Variants in ESR1 observed in about 807,000 individuals in gnomAD.
The protein encoded by ESR1 is estrogen receptor 1, also known as estrogen receptor.
ESR1 carries 12 observed loss-of-function variants against 52.7 expected under a neutral mutation model. The ratio of observed to expected loss-of-function variants is 0.23; its 90% confidence interval spans 0.15 to 0.37. The LOEUF (loss-of-function observed/expected upper bound fraction) is 0.37, where lower values mean the gene tolerates loss of function less well. Ranked by LOEUF, ESR1 falls within the 10% of genes least tolerant of loss-of-function variation. The pLI is 1.00. For missense variants in ESR1, 584 were observed against 779.7 expected (o/e 0.75, Z 2.99); for synonymous variants, 305 against 316.8 (o/e 0.96, Z 0.39).
chr6:152,119,387 CA>C (rs11345553), intron 6 of ESR1, among the ~76,000 whole-genome samples: 78,814 of 151,958 alleles, frequency 0.52, 20,677 homozygotes, highest in East Asian at 0.56. Flanking sequence ...CATCATTTCC[CA>C]AAAAATCCTT....
At chr6:151,858,652 T>C (rs1788326721) in intron 2 of ESR1, among the ~76,000 whole-genome samples, 2 of 152,010 alleles carry the variant, frequency 1.3e-5, no homozygotes, top group Admixed American at 6.6e-5. Flanking sequence ...CATTTTTTTT[T>C]CCCTGAGGAG....
intron 1 of ESR1, among the ~76,000 whole-genome samples, chr6:151,697,360 T>A (rs1174439387): frequency 2.0e-5 from 3 of 152,228 alleles, no homozygotes; most frequent in African/African-American, 7.2e-5. Context: ...ACTGTGCCAC[T>A]GATGTGCGCA....
chr6:151,725,171 G>C (rs1418753535), intron 2 of ESR1, among the ~76,000 whole-genome samples: 1 of 152,168 alleles, frequency 6.6e-6, no homozygotes, highest in Non-Finnish European at 1.5e-5. Flanking sequence ...GAATTGCAGA[G>C]TATTCTCTAT....
intron 1 of ESR1, among the ~76,000 whole-genome samples, chr6:151,676,717 C>A (rs557279269): frequency 6.6e-6 from 1 of 152,288 alleles, no homozygotes; most frequent in Admixed American, 6.5e-5. Flanking sequence ...CCTGGAGATC[C>A]CTTATCTGCA....
intron 3 of ESR1, among the ~76,000 whole-genome samples, chr6:151,939,433 A>C (rs1388569882): frequency 6.6e-6 from 1 of 152,196 alleles, no homozygotes; most frequent in African/African-American, 2.4e-5. Flanking sequence ...AATGAGTTTT[A>C]AATTTTCTCT....
chr6:151,740,285 A>ATTTTTTTTTTTTTTTTTTTTTTT (rs386408967), intron 2 of ESR1, among the ~76,000 whole-genome samples: 2 of 108,006 alleles, frequency 1.9e-5, no homozygotes, highest in Non-Finnish European at 1.8e-5. Flanking sequence ...TGCCTGGCTA[A>ATTTTTTTTTTTTTTTTTTTTTTT]TTTTTTTTTT....
downstream of ESR1, among the ~76,000 whole-genome samples, chr6:152,105,027 T>C (rs2051046858): frequency 6.6e-6 from 1 of 152,172 alleles, no homozygotes. Context: ...TGGTGAACAC[T>C]TGGGGGTGTC....
At chr6:151,679,167 G>T (rs1562324912) in intron 1 of ESR1, among the ~76,000 whole-genome samples, 1 of 152,192 alleles carries the variant, frequency 6.6e-6, no homozygotes, top group African/African-American at 2.4e-5. Context: ...CTTACCAAAG[G>T]TCCTGACCCA....
In ESR1 at chr6:151,874,624, G is replaced by A. The variant is rs543274608; in HGVS notation, c.644-6031G>A. 6.6e-5 allele frequency among the ~76,000 whole-genome samples: 10 copies of A among 152,318 alleles called. 1 individual carries two copies. The South Asian group carries it at 2.1e-3, about 32-fold the overall frequency. On this transcript the variant is annotated intron_variant, in intron 2 of 7. Coordinates refer to ENST00000206249, the MANE Select transcript of ESR1 (RefSeq NM_000125.4). ...TTAATATTCAACTGTTAAGCCAGGA[G>A]ACGAGTACTCTGAACTTCAGCTTCT...
At chr6:151,790,500 C>T (rs1017456776) in intron 2 of ESR1, among the ~76,000 whole-genome samples, 40 of 152,062 alleles carry the variant, frequency 2.6e-4, no homozygotes, top group Non-Finnish European at 5.3e-4. Context: ...CATCTTCGAA[C>T]ATCCTCTAAT....
At chr6:151,787,367 C>T (rs535799027) in intron 2 of ESR1, among the ~76,000 whole-genome samples, 2 of 152,110 alleles carry the variant, frequency 1.3e-5, no homozygotes, top group Admixed American at 6.5e-5. Flanking sequence ...TAGTTTTTTT[C>T]TAGTTCTGTG....
At chr6:152,095,785 C>T (rs1459508055) in intron 7 of ESR1, among the ~76,000 whole-genome samples, 1 of 152,150 alleles carries the variant, frequency 6.6e-6, no homozygotes, top group East Asian at 1.9e-4. Context: ...GGTTACTGCC[C>T]ATTTTACTAT....
chr6:151,876,679 C>T (rs766078872), intron 2 of ESR1, among the ~76,000 whole-genome samples: 1 of 152,090 alleles, frequency 6.6e-6, no homozygotes, highest in Non-Finnish European at 1.5e-5. Flanking sequence ...GGGGTGGGCC[C>T]GGTGATTCCT....
At chr6:151,883,380 G>A (rs1160934660) in intron 3 of ESR1, among the ~76,000 whole-genome samples, 1 of 151,510 alleles carries the variant, frequency 6.6e-6, no homozygotes, top group African/African-American at 2.4e-5. Context: ...CGCCCACCTC[G>A]GCTTCCTAAA....
At chr6:151,697,096 A>G (rs747127014) in intron 1 of ESR1, among the ~76,000 whole-genome samples, 27 of 152,174 alleles carry the variant, frequency 1.8e-4, no homozygotes, top group Non-Finnish European at 3.5e-4. Context: ...TCTTGTAGGC[A>G]TTAAAGATGT....
intron 6 of ESR1, among the ~76,000 whole-genome samples, chr6:152,088,082 T>G (rs915129260): frequency 6.6e-6 from 1 of 152,208 alleles, no homozygotes; most frequent in Non-Finnish European, 1.5e-5. Flanking sequence ...ATAATTTACC[T>G]GTACATATAA....
intron 5 of ESR1, among the ~76,000 whole-genome samples, chr6:152,028,036 C>T (rs865867868): frequency 1.1e-4 from 17 of 151,884 alleles, no homozygotes; most frequent in Admixed American, 2.6e-4. Flanking sequence ...CCCAGCTACT[C>T]GGGAGGCTGA....
chr6:151,937,948 TAGAATTG>T (rs2034565316), intron 3 of ESR1, among the ~76,000 whole-genome samples: 1 of 152,172 alleles, frequency 6.6e-6, no homozygotes, highest in African/African-American at 2.4e-5. Flanking sequence ...GGGAGAGTGT[TAGAATTG>T]ATACTGGGGA....
chr6:152,094,246 G>A lies in ESR1; in HGVS notation c.1370-139G>A, dbSNP rs2050434375. 2 of 802,894 alleles carry A rather than the reference G, an allele frequency of 2.5e-6. No homozygotes were observed. The highest frequency in any genetic ancestry group is 4.4e-6 in the Non-Finnish European group (2 of 453,226). The allele number at this position is 802,894 out of a possible 1,614,324, so 49.7% of individuals were successfully genotyped here. A position where few individuals can be genotyped will look rare whatever the true frequency, so the allele number is the denominator to read the frequency against. On this transcript the variant is annotated intron_variant, in intron 6 of 7. Transcript: ENST00000206249. The surrounding 1 kb of genome is among the most constrained non-coding windows in gnomAD (Gnocchi z 4.6). ...TTTACACTGTAACCCGGTTTTAAAT[G>A]GGTCCAGAGCATCCCCATTGCTAGA...
Sources: allele counts gnomAD v4.1 joint callset (sites outside exome capture counted in the v4.1 genomes callset), GRCh38; gene constraint gnomAD v4.1.1; non-coding constraint Gnocchi (gnomAD v3.1); transcripts MANE v1.5; gene names NCBI Gene and HGNC (gene_info 2026-07-23, HGNC 2026-07-21).